The following DSC3 variants were observed in gnomAD, a reference collection of about 807,000 sequenced individuals.
The protein encoded by DSC3 is desmocollin-3.
A neutral mutation model predicts 89.5 loss-of-function variants in DSC3; 97 were observed. That is an observed-to-expected ratio of 1.08 (90% confidence interval 0.92 to 1.28). DSC3 has a LOEUF of 1.28. Ranked by LOEUF, DSC3 falls within the 50% of genes most tolerant of loss-of-function variation. The probability of loss-of-function intolerance (pLI) is 0.00; values close to 1 mark genes in which losing one functional copy is unlikely to be tolerated. For missense variants in DSC3, 1,199 were observed against 1,085.3 expected (o/e 1.10, Z -1.47); for synonymous variants, 436 against 384.1 (o/e 1.14, Z -1.58).
intron 7 of DSC3, among the ~76,000 whole-genome samples, chr18:31,020,192 G>T (rs1567956936): frequency 1.3e-5 from 2 of 152,126 alleles, no homozygotes; most frequent in Admixed American, 6.5e-5. Context: ...TGTCTACCCA[G>T]AAATCATCAG....
chr18:31,024,595 A>C, intron 5 of DSC3, 102 bp from the exon 6 acceptor site: 1 of 1,329,180 alleles, frequency 7.5e-7, no homozygotes, highest in Non-Finnish European at 1.0e-6. Flanking sequence ...TCAATAATAA[A>C]CTACTTTGAA....
At chr18:31,009,192 A>T (rs1984974236) in intron 9 of DSC3, among the ~76,000 whole-genome samples, 5 of 152,092 alleles carry the variant, frequency 3.3e-5, no homozygotes, top group Admixed American at 3.3e-4. Flanking sequence ...CTGGGACTAC[A>T]GGCACGTGCC....
At position 31,022,395 on chromosome 18, in the gene DSC3, A is replaced by C. The variant is rs565634657; in HGVS notation, c.883T>G (p.Phe295Val). 1.4e-4 allele frequency: 229 copies of C among 1,614,100 alleles called. 1 individual carries two copies. The South Asian group carries it at 2.4e-3, about 17-fold the overall frequency. Residue 295 changes from phenylalanine (F) to valine (V), a missense_variant, in exon 7 of 16, where the codon TTT (phenylalanine) becomes GTT (valine). Transcript: ENST00000360428. The part of the protein sequence containing the change: ...LQQTPRSPGL[F>V]SVHPSTGVIT... ...ACGCCTGTGCTGGGATGCACAGAAA[A>C]GAGCCCAGGTGACCTTGGTGTCTGC...
chr18:31,008,533 A>G lies in DSC3; in HGVS notation c.1264-8T>C. The G allele has an allele frequency of 6.2e-7, 1 of 1,613,838 alleles. No individual in the cohort carries two copies. Among genetic ancestry groups the G allele is most frequent in the Non-Finnish European group, 8.5e-7 (1 of 1,179,996 alleles). Reference sequence around the variant, plus strand: ...TTCTTCATAATTCAGTGGCTTTAAAATAAAGTCCATGTATATCAGTGTCAG... The same window carrying G: ...TTCTTCATAATTCAGTGGCTTTAAAGTAAAGTCCATGTATATCAGTGTCAG... On this transcript the variant is annotated splice_polypyrimidine_tract_variant and splice_region_variant and intron_variant, in intron 9 of 15. Coordinates refer to ENST00000360428, the MANE Select transcript of DSC3 (RefSeq NM_001941.5).
At chr18:31,016,848 AAG>A (rs1487039486) in intron 9 of DSC3, among the ~76,000 whole-genome samples, 1 of 152,174 alleles carries the variant, frequency 6.6e-6, no homozygotes, top group African/African-American at 2.4e-5. Context: ...ATGAACACCA[AAG>A]ATGACTAGCT....
rs1206565097 is a variant in DSC3, at chr18:31,004,347, T to G, written c.1908A>C (p.Ser636=). ...TKVNDTAARL[S]YQKNAGFQEY... is the part of the protein sequence containing the mutation. ...CTTGAAATCCAGCATTTTTCTGATA[T>G]GAAAGACGGGCAGCTGTATCTGAAA... The change falls in exon 13 of 16, where the codon TCA becomes TCC. Residue 636 remains serine, a synonymous_variant. Transcript: ENST00000360428. 1.2e-6 allele frequency: 2 copies of G among 1,613,886 alleles called. No homozygotes were observed. The highest frequency in any genetic ancestry group is 2.2e-5 in the South Asian group (2 of 91,080).
chr18:31,038,823 C>A (rs1986049311), intron 1 of DSC3, among the ~76,000 whole-genome samples: 1 of 151,950 alleles, frequency 6.6e-6, no homozygotes, highest in South Asian at 2.1e-4. Flanking sequence ...ATAGCAGTAG[C>A]TCATTCATTT....
chr18:31,031,226 G>A (rs1444719127), intron 2 of DSC3, 54 bp from the exon 3 acceptor site: 11 of 1,202,062 alleles, frequency 9.2e-6, no homozygotes, highest in African/African-American at 3.1e-5. Context: ...AAAAAAAAAC[G>A]TGTTAAAATA....
rs571620813 is a variant in DSC3 at position 31,019,676 on chromosome 18, C to G, written c.943-876G>C. Among the ~76,000 whole-genome samples, 3 of 152,222 alleles carry G rather than the reference C, an allele frequency of 2.0e-5. No individual in the cohort carries two copies. In the South Asian group the frequency reaches 6.2e-4, roughly 32 times the overall value. ...GGCATGGTGGTATGTGTCCGTACTC[C>G]CAAGCTACTTGAGGTGCTGAGGCGG... is the stretch of plus-strand genomic sequence containing the variant. On this transcript the variant is annotated intron_variant, in intron 7 of 15. Coordinates refer to ENST00000360428, the MANE Select transcript of DSC3 (RefSeq NM_001941.5).
At chr18:31,004,105 T>A (rs1297926205) in intron 13 of DSC3, 37 bp downstream of exon 13, 1 of 1,482,850 alleles carries the variant, frequency 6.7e-7, no homozygotes, top group Non-Finnish European at 9.4e-7. Flanking sequence ...AGATTTTTTA[T>A]TATATATTTT....
chr18:31,024,990 G>A (rs756156068), intron 5 of DSC3, among the ~76,000 whole-genome samples: 1 of 152,144 alleles, frequency 6.6e-6, no homozygotes, highest in Non-Finnish European at 1.5e-5. Context: ...TAAAGGCAAT[G>A]TAATGTCAAA....
chr18:31,000,976 G>GTA lies in DSC3; in HGVS notation c.2235+640_2235+641dup, dbSNP rs141521624. Among the ~76,000 whole-genome samples the GTA allele has an allele frequency of 8.6e-4, 129 of 149,436 alleles. No homozygotes were observed. The Middle Eastern group carries it at 0.014, about 17-fold the overall frequency. On this transcript the variant is annotated intron_variant, in intron 14 of 15. Coordinates refer to ENST00000360428, the MANE Select transcript of DSC3 (RefSeq NM_001941.5). ...GAACATGCCTTGTAAGTACTTTTGT[G>GTA]TATATATATATATTTTGTGTACATA... is the stretch of plus-strand genomic sequence containing the variant.
At chr18:31,002,623 C>A (rs1229343850) in intron 13 of DSC3, among the ~76,000 whole-genome samples, 3 of 150,056 alleles carry the variant, frequency 2.0e-5, no homozygotes, top group East Asian at 3.9e-4. Context: ...TCACTTGAAT[C>A]TGGGAGGCAG....
chr18:31,011,133 A>C (rs1262240432), intron 9 of DSC3, among the ~76,000 whole-genome samples: 1 of 152,192 alleles, frequency 6.6e-6, no homozygotes, highest in Non-Finnish European at 1.5e-5. Context: ...GCTAGGTTCA[A>C]ATTCTGTCTA....
At chr18:31,020,583 T>A (rs1985385349) in intron 7 of DSC3, among the ~76,000 whole-genome samples, 1 of 148,730 alleles carries the variant, frequency 6.7e-6, no homozygotes. Flanking sequence ...TTTTTCTTCA[T>A]TTTTTTTGTT....
At chr18:31,005,200 A>G (rs1017126518) in intron 12 of DSC3, among the ~76,000 whole-genome samples, 13 of 152,278 alleles carry the variant, frequency 8.5e-5, no homozygotes, top group African/African-American at 2.9e-4. Context: ...AGGAATATGA[A>G]TTACCACTTG....
chr18:31,042,493 T>C, intron 1 of DSC3, 99 bp downstream of exon 1: 6 of 1,240,456 alleles, frequency 4.8e-6, no homozygotes, highest in Non-Finnish European at 5.8e-6. Flanking sequence ...GAGCCGCGGT[T>C]GTCACGTTTC....
chr18:31,042,539 G>A, intron 1 of DSC3, 53 bp downstream of exon 1: 2 of 1,517,974 alleles, frequency 1.3e-6, no homozygotes, highest in Non-Finnish European at 1.8e-6. Flanking sequence ...CAGCGTCCAG[G>A]GCGGATCCAC....
rs1257705285 is a variant in DSC3 at position 30,989,671 on chromosome 18, T to C, written c.*4504A>G. Among the ~76,000 whole-genome samples, 1 of 152,194 alleles carries C rather than the reference T, an allele frequency of 6.6e-6. No homozygotes were observed. ...GTAAAGGGAAAAGAAGGTTCTGAGA[T>C]TCAAACCTTTGCAATCAAAATAAAC... On this transcript the variant is annotated 3_prime_UTR_variant, in exon 16 of 16. Transcript: ENST00000360428.
Sources: gnomAD v4.1 joint callset for allele counts (sites outside exome capture counted in the v4.1 genomes callset) on GRCh38, gnomAD v4.1.1 for gene constraint, MANE v1.5 for transcripts, NCBI Gene and HGNC (gene_info 2026-07-23, HGNC 2026-07-21) for gene names.